Variants in PCDHGA3 observed in about 807,000 individuals in gnomAD.
The protein encoded by PCDHGA3 is protocadherin gamma-A3.
Under a neutral mutation model 58.5 loss-of-function variants are expected in PCDHGA3, and 40 were observed. The observed-to-expected ratio is 0.68, with a 90% CI of 0.53 to 0.89. The LOEUF (loss-of-function observed/expected upper bound fraction) is 0.89, where lower values mean the gene tolerates loss of function less well. Ranked by LOEUF, PCDHGA3 falls within the 40% of genes least tolerant of loss-of-function variation. PCDHGA3 has a pLI of 0.00. For synonymous variants in PCDHGA3, 530 were observed against 525.7 expected, an observed-to-expected ratio of 1.01 and a Z score of -0.11; for missense variants, 1,223 against 1,195.9, an observed-to-expected ratio of 1.02 and a Z score of -0.33.
intron 1 of PCDHGA3, chr5:141,421,470 A>T: frequency 2.5e-6 from 4 of 1,614,130 alleles, no homozygotes; most frequent in Non-Finnish European, 3.4e-6. Context: ...TGAATCCGCG[A>T]AGCGGCAGCT....
At chr5:141,418,449 A>C in intron 1 of PCDHGA3, 1 of 1,614,040 alleles carries the variant, frequency 6.2e-7, no homozygotes, top group Non-Finnish European at 8.5e-7. Context: ...TTAGTATTGC[A>C]GAAGACTCTG....
At chr5:141,449,471 G>T (rs1261821886) in intron 1 of PCDHGA3, among the ~76,000 whole-genome samples, 1 of 151,060 alleles carries the variant, frequency 6.6e-6, no homozygotes, top group African/African-American at 2.4e-5. Flanking sequence ...GCCAGGCCTG[G>T]TACCCCATGC....
At chr5:141,389,113 G>A in intron 1 of PCDHGA3, 1 of 1,613,970 alleles carries the variant, frequency 6.2e-7, no homozygotes, top group South Asian at 1.1e-5. Flanking sequence ...GTTCTAGACC[G>A]CGAGCAGAAT....
chr5:141,422,398 C>T lies in PCDHGA3; in HGVS notation c.2425-72409C>T, dbSNP rs2096646163. On this transcript the variant is annotated intron_variant, in intron 1 of 3. Transcript: ENST00000253812. Reference sequence around the variant, plus strand: ...AGTCTCCTGTTTTATTCCTAACCACCTGCCTTTTAAATTAGAAAAGACTTA... The same window carrying T: ...AGTCTCCTGTTTTATTCCTAACCACTTGCCTTTTAAATTAGAAAAGACTTA... The T allele has an allele frequency of 1.9e-6, 3 of 1,597,634 alleles. No individual in the cohort carries two copies. In the Admixed American group the frequency reaches 5.3e-5, roughly 28 times the overall value.
chr5:141,491,047 G>A lies in PCDHGA3; in HGVS notation c.2425-3760G>A, dbSNP rs751761240. On this transcript the variant is annotated intron_variant, in intron 1 of 3. Coordinates refer to ENST00000253812, the MANE Select transcript of PCDHGA3 (RefSeq NM_018916.4). The surrounding 1 kb of genome is among the most constrained non-coding windows in gnomAD (Gnocchi z 6.9). Reference sequence around the variant, plus strand: ...CGTGGATGCTGATGCAGGCCACAATGCGTGGCTCTCCTACTCACTGTTGCC... The same window carrying A: ...CGTGGATGCTGATGCAGGCCACAATACGTGGCTCTCCTACTCACTGTTGCC... 4 of 1,614,054 alleles carry A rather than the reference G, an allele frequency of 2.5e-6. No homozygotes were observed. Among genetic ancestry groups the A allele is most frequent in the Non-Finnish European group, 3.4e-6 (4 of 1,180,034 alleles).
intron 1 of PCDHGA3, chr5:141,428,086 G>C: frequency 1.9e-6 from 3 of 1,609,122 alleles, no homozygotes; most frequent in Non-Finnish European, 1.7e-6. Context: ...CACAACGCTT[G>C]GCTGTCCTAC....
chr5:141,413,150 T>C, intron 1 of PCDHGA3: 1 of 1,573,292 alleles, frequency 6.4e-7, no homozygotes. Context: ...AGTGAGGACT[T>C]TGCAGAATTC....
chr5:141,492,125 C>T (rs1284932830), intron 1 of PCDHGA3, among the ~76,000 whole-genome samples: 1 of 152,222 alleles, frequency 6.6e-6, no homozygotes, highest in Non-Finnish European at 1.5e-5. Context: ...TTCTCCCCAG[C>T]TCCCAGCATC....
Position 141,356,286 on chromosome 5 carries a change from G to A in PCDHGA3, c.2424+9829G>A, listed in dbSNP as rs565025247. On this transcript the variant is annotated intron_variant, in intron 1 of 3. Coordinates refer to ENST00000253812, the MANE Select transcript of PCDHGA3 (RefSeq NM_018916.4). ...GCTCAGTCCAGGAATCTTCTTCCCC[G>A]GGTACAGTAATTGCACTTTTCAACG... 72 of 1,556,442 alleles carry A rather than the reference G, an allele frequency of 4.6e-5. No individual in the cohort carries two copies. The South Asian group carries it at 6.9e-4, about 15-fold the overall frequency.
chr5:141,366,069 G>A (rs544928184), intron 1 of PCDHGA3: 10 of 1,614,216 alleles, frequency 6.2e-6, no homozygotes, highest in Non-Finnish European at 8.5e-6. Context: ...CTGGCGCCTC[G>A]CTCCGCAGAA....
rs532424097 is a variant in PCDHGA3 at position 141,346,139 on chromosome 5, C to A, written c.2106C>A (p.Cys702Ter). ...YLVVAVAAVS[C>*]VFLAFVIVLL... ...TGGTGGCGGTGGCCGCGGTCTCCTGCGTCTTCCTGGCCTTCGTCATCGTGC... is the reference window on the plus strand; with the variant it reads ...TGGTGGCGGTGGCCGCGGTCTCCTGAGTCTTCCTGGCCTTCGTCATCGTGC... Residue 702 changes from cysteine to a stop codon, truncating the protein, a stop_gained, in exon 1 of 4, where the codon TGC (cysteine) becomes TGA (stop). Coordinates refer to ENST00000253812, the MANE Select transcript of PCDHGA3 (RefSeq NM_018916.4). LOFTEE classifies it high-confidence loss of function. The A allele has an allele frequency of 6.2e-7, 1 of 1,613,984 alleles. No individual in the cohort carries two copies. Among genetic ancestry groups the A allele is most frequent in the South Asian group, 1.1e-5 (1 of 91,072 alleles).
chr5:141,487,041 G>T lies in PCDHGA3; in HGVS notation c.2425-7766G>T, dbSNP rs149314216. Reference sequence around the variant, plus strand: ...GATCCCAGCCTGTTTGCAGTCTCTCGATATGCTGGGGAGGTGCGGACGGCT... The same window carrying T: ...GATCCCAGCCTGTTTGCAGTCTCTCTATATGCTGGGGAGGTGCGGACGGCT... On this transcript the variant is annotated intron_variant, in intron 1 of 3. Transcript: ENST00000253812. This position sits in a 1 kb window ranked among gnomAD's most constrained non-coding sequence, Gnocchi z 5.0. 6.2e-7 allele frequency: 1 copy of T among 1,614,132 alleles called. No homozygotes were observed. The highest frequency in any genetic ancestry group is 8.5e-7 in the Non-Finnish European group (1 of 1,180,030).
At chr5:141,402,908 G>A (rs772824235) in intron 1 of PCDHGA3, 1 of 1,545,226 alleles carries the variant, frequency 6.5e-7, no homozygotes, top group Admixed American at 2.0e-5. Context: ...TGATGAAGCA[G>A]CGCGCACAGA....
intron 1 of PCDHGA3, chr5:141,360,386 T>C: frequency 6.2e-7 from 1 of 1,613,898 alleles, no homozygotes; most frequent in Non-Finnish European, 8.5e-7. Flanking sequence ...AGCGGAGACT[T>C]ACTTGTGAGT....
At chr5:141,469,111 T>TA (rs1275770294) in intron 1 of PCDHGA3, among the ~76,000 whole-genome samples, 1 of 151,476 alleles carries the variant, frequency 6.6e-6, no homozygotes, top group African/African-American at 2.4e-5. Context: ...AACCTGTCTC[T>TA]AAAAAAATTT....
chr5:141,370,097 C>T (rs1368287584), intron 1 of PCDHGA3, among the ~76,000 whole-genome samples: 2 of 152,174 alleles, frequency 1.3e-5, no homozygotes. Flanking sequence ...AGTACACTGC[C>T]GATTTTTCTC....
intron 1 of PCDHGA3, among the ~76,000 whole-genome samples, chr5:141,450,162 A>T (rs2098671900): frequency 6.6e-6 from 1 of 151,624 alleles, no homozygotes; most frequent in Admixed American, 6.6e-5. Flanking sequence ...ATGTGCCACC[A>T]CACTCCCACC....
rs1447176558 is a variant in PCDHGA3 at position 141,346,135 on chromosome 5, C to T, written c.2102C>T (p.Ser701Phe). 2.5e-6 allele frequency: 4 copies of T among 1,613,962 alleles called. No homozygotes were observed. The highest frequency in any genetic ancestry group is 2.2e-5 in the East Asian group (1 of 44,862). ...CTGGTGGTGGCGGTGGCCGCGGTCT[C>T]CTGCGTCTTCCTGGCCTTCGTCATC... ...LYLVVAVAAVSCVFLAFVIVL... is the reference protein window; with the variant it reads ...LYLVVAVAAVFCVFLAFVIVL... The change falls in exon 1 of 4, where the codon TCC (serine) becomes TTC (phenylalanine). Residue 701 changes from serine (S) to phenylalanine (F), a missense_variant. Physicochemically the swap from Ser to Phe is radical, Grantham distance 155. This residue lies in a region of PCDHGA3 where 325 missense variants were observed against 327.5 expected (regional missense o/e 0.99). Transcript: ENST00000253812.
intron 1 of PCDHGA3, chr5:141,429,167 TATAC>T (rs1240034860): frequency 7.3e-6 from 1 of 136,106 alleles, no homozygotes; most frequent in African/African-American, 2.9e-5. Flanking sequence ...AGACATTGTT[TATAC>T]ACACACACAC....
Sources: allele counts gnomAD v4.1 joint callset (sites outside exome capture counted in the v4.1 genomes callset), GRCh38; gene constraint gnomAD v4.1.1; regional missense constraint gnomAD v4.1.1; non-coding constraint Gnocchi (gnomAD v3.1); transcripts MANE v1.5; gene names NCBI Gene and HGNC (gene_info 2026-07-23, HGNC 2026-07-21).